Variants in TEX11 observed in about 807,000 individuals in gnomAD.
TEX11 encodes testis expressed 11.
TEX11 carries 7 observed loss-of-function variants against 84.4 expected under a neutral mutation model. The ratio of observed to expected loss-of-function variants is 0.08; its 90% CI spans 0.05 to 0.16. The LOEUF (loss-of-function observed/expected upper bound fraction) is 0.16, where lower values mean the gene tolerates loss of function less well. Ranked by LOEUF, TEX11 falls within the 10% of genes least tolerant of loss-of-function variation. The pLI is 1.00. For synonymous variants in TEX11, 264 were observed against 222.8 expected, an observed-to-expected ratio of 1.18 and a Z score of -1.64; for missense variants, 551 against 660.5, an observed-to-expected ratio of 0.83 and a Z score of 1.82.
chrX:70,518,860 C>T, the TEX11 span, among the ~76,000 whole-genome samples: 1 of 111,995 alleles, frequency 8.9e-6, no homozygotes, highest in African/African-American at 3.2e-5. Flanking sequence ...GATCCCTTTA[C>T]CATTATGTAA....
At chrX:70,568,967 G>A (rs989778211) in intron 25 of TEX11, among the ~76,000 whole-genome samples, 2 of 111,436 alleles carry the variant, frequency 1.8e-5, no homozygotes, top group South Asian at 7.6e-4. Context: ...TGTTAGATTG[G>A]GGAAGTTCTC....
intron 17 of TEX11, among the ~76,000 whole-genome samples, chrX:70,636,431 C>T (rs764297877): frequency 9.0e-6 from 1 of 110,970 alleles, no homozygotes; most frequent in South Asian, 3.9e-4. Flanking sequence ...AGGCTAGCCC[C>T]CATGGACTGA....
chrX:70,665,319 C>T (rs930565316), intron 16 of TEX11, among the ~76,000 whole-genome samples: 2 of 111,501 alleles, frequency 1.8e-5, no homozygotes, highest in African/African-American at 6.5e-5. Flanking sequence ...AGCAAAATCC[C>T]ATTATATCAA....
chrX:70,786,862 T>C (rs897896447), intron 9 of TEX11, among the ~76,000 whole-genome samples: 2 of 111,914 alleles, frequency 1.8e-5, no homozygotes, highest in Non-Finnish European at 3.8e-5. Context: ...TGTCCCGGTG[T>C]GGTGACTCAC....
At chrX:70,600,133 C>T (rs1288632028) in intron 24 of TEX11, among the ~76,000 whole-genome samples, 1 of 111,481 alleles carries the variant, frequency 9.0e-6, no homozygotes, top group African/African-American at 3.3e-5. Context: ...TACAGTCCAA[C>T]CAACAGTGTA....
At chrX:70,688,279 T>C (rs1295288506) in intron 13 of TEX11, among the ~76,000 whole-genome samples, 1 of 111,312 alleles carries the variant, frequency 9.0e-6, no homozygotes, top group Non-Finnish European at 1.9e-5. Context: ...ATTTCACTGC[T>C]AGGAATTTAC....
intron 28 of TEX11, among the ~76,000 whole-genome samples, chrX:70,551,290 T>C (rs1010005493): frequency 9.0e-6 from 1 of 110,924 alleles, no homozygotes; most frequent in Non-Finnish European, 1.9e-5. Context: ...GGTTAATAGG[T>C]ACAAAAAATA....
At chrX:70,827,634 A>G (rs1419347976) in intron 8 of TEX11, among the ~76,000 whole-genome samples, 1 of 111,757 alleles carries the variant, frequency 8.9e-6, no homozygotes, top group Non-Finnish European at 1.9e-5. Context: ...TGGCGGCCAC[A>G]GGGAGAGACT....
chrX:70,778,031 G>A (rs1287994846), intron 9 of TEX11, among the ~76,000 whole-genome samples: 1 of 111,990 alleles, frequency 8.9e-6, no homozygotes, highest in Non-Finnish European at 1.9e-5. Flanking sequence ...CACATAGGCT[G>A]AAAGTGAAGG....
At chrX:70,565,715 G>T (rs1419136013) in intron 25 of TEX11, among the ~76,000 whole-genome samples, 1 of 110,127 alleles carries the variant, frequency 9.1e-6, no homozygotes, top group African/African-American at 3.3e-5. Flanking sequence ...GATAGTTGTA[G>T]ATATGCGGCT....
intron 2 of TEX11, among the ~76,000 whole-genome samples, chrX:70,893,816 G>C (rs184910510): frequency 8.1e-5 from 9 of 111,319 alleles, no homozygotes; most frequent in Admixed American, 6.7e-4. Context: ...TAACAGAATA[G>C]ATAGACCACT....
At chrX:70,698,929 T>C (rs1175676948) in intron 13 of TEX11, among the ~76,000 whole-genome samples, 1 of 111,994 alleles carries the variant, frequency 8.9e-6, no homozygotes, top group Non-Finnish European at 1.9e-5. Context: ...CAATAAATTA[T>C]GCTTCCTAGT....
In TEX11 at chrX:70,782,764, A is replaced by G. The variant is rs376175184; in HGVS notation, c.692+23941T>C. 2.3e-4 allele frequency among the ~76,000 whole-genome samples: 25 copies of G among 110,735 alleles called. No individual in the cohort carries two copies. In the East Asian group the frequency reaches 4.0e-3, roughly 18 times the overall value. On this transcript the variant is annotated intron_variant, in intron 9 of 29. Transcript: ENST00000374333. The stretch of plus-strand genomic sequence containing the variant: ...ATTACATAATGGTAAAAGGATCAAT[A>G]AAACAAGAAGAGCTAACTATCTTAA...
chrX:70,750,898 G>A (rs2090812396), intron 9 of TEX11, among the ~76,000 whole-genome samples: 1 of 58,299 alleles, frequency 1.7e-5, no homozygotes, highest in Non-Finnish European at 3.2e-5. Flanking sequence ...ATGTGCACAT[G>A]TATCCTAAAA....
At chrX:70,613,889 C>T (rs953655854) in intron 20 of TEX11, among the ~76,000 whole-genome samples, 1 of 111,294 alleles carries the variant, frequency 9.0e-6, no homozygotes, top group African/African-American at 3.3e-5. Flanking sequence ...AGGCATGAGA[C>T]CCCCATTCCA....
Position 70,733,826 on chromosome X carries a change from A to G in TEX11, c.843+6875T>C, listed in dbSNP as rs781094060. Among the ~76,000 whole-genome samples the G allele has an allele frequency of 9.9e-4, 111 of 111,757 alleles. 1 individual carries two copies. The highest frequency in any genetic ancestry group is 1.3e-3 in the Non-Finnish European group (69 of 53,129). ...TGGGTATATACCCAAAGGACTATAAATCATGCTGCTATAAAGACATACGCA... is the reference window on the plus strand; with the variant it reads ...TGGGTATATACCCAAAGGACTATAAGTCATGCTGCTATAAAGACATACGCA... On this transcript the variant is annotated intron_variant, in intron 11 of 29. Coordinates refer to ENST00000374333, the MANE Select transcript of TEX11 (RefSeq NM_031276.3).
chrX:70,535,773 G>T (rs757990873), intron 28 of TEX11, among the ~76,000 whole-genome samples: 2 of 101,446 alleles, frequency 2.0e-5, no homozygotes, highest in East Asian at 6.3e-4. Flanking sequence ...AAACTTATGG[G>T]TTTTTTTTTT....
chrX:70,551,071 T>TA (rs921432208), intron 28 of TEX11, among the ~76,000 whole-genome samples: 10 of 110,743 alleles, frequency 9.0e-5, no homozygotes, highest in South Asian at 3.8e-4. Context: ...TATTCAGCCA[T>TA]AAAAAAAATA....
intron 9 of TEX11, among the ~76,000 whole-genome samples, chrX:70,769,659 T>C (rs2090960514): frequency 8.9e-6 from 1 of 111,849 alleles, no homozygotes; most frequent in African/African-American, 3.2e-5. Flanking sequence ...TGGAAAAGAC[T>C]CTTCTTTCTC....
Sources: gnomAD v4.1 joint callset for allele counts (sites outside exome capture counted in the v4.1 genomes callset) on GRCh38, gnomAD v4.1.1 for gene constraint, MANE v1.5 for transcripts, NCBI Gene and HGNC (gene_info 2026-07-23, HGNC 2026-07-21) for gene names.